Variants in SH3KBP1 observed in about 807,000 individuals in gnomAD.
SH3KBP1 encodes SH3 domain-containing kinase-binding protein 1.
Under a neutral mutation model 50.1 loss-of-function variants are expected in SH3KBP1, and 8 were observed. That is an observed-to-expected ratio of 0.16 (90% CI 0.09 to 0.29). The LOEUF (loss-of-function observed/expected upper bound fraction) is 0.29, where lower values mean the gene tolerates loss of function less well. SH3KBP1 is among the 10% of genes least tolerant of loss of function. SH3KBP1 has a pLI of 1.00. For synonymous variants in SH3KBP1, 227 were observed against 218.6 expected (o/e 1.04, Z -0.34); for missense variants, 377 against 535.2 (o/e 0.70, Z 2.92).
chrX:19,665,704 C>T (rs2062581633), intron 6 of SH3KBP1, among the ~76,000 whole-genome samples: 1 of 111,885 alleles, frequency 8.9e-6, no homozygotes, highest in Admixed American at 9.5e-5. Flanking sequence ...AAGTACAAAA[C>T]AGGCTGCTGA....
chrX:19,843,536 C>T (rs1433745149), intron 1 of SH3KBP1, among the ~76,000 whole-genome samples: 1 of 111,406 alleles, frequency 9.0e-6, no homozygotes, highest in Admixed American at 9.6e-5. Context: ...CACAAACACA[C>T]CACTAAGGGA....
At chrX:19,562,736 G>A (rs1247079500) in intron 13 of SH3KBP1, among the ~76,000 whole-genome samples, 1 of 111,080 alleles carries the variant, frequency 9.0e-6, no homozygotes, top group Non-Finnish European at 1.9e-5. Flanking sequence ...ATTTGGGGCT[G>A]CCTGCAAGTC....
At chrX:19,792,232 T>G (rs767887023) in intron 2 of SH3KBP1, among the ~76,000 whole-genome samples, 2 of 111,972 alleles carry the variant, frequency 1.8e-5, no homozygotes, top group East Asian at 2.8e-4. Flanking sequence ...TTGTGGCACA[T>G]TTAAATTAAA....
chrX:19,710,698 T>C (rs1384691704), intron 3 of SH3KBP1, among the ~76,000 whole-genome samples: 1 of 111,245 alleles, frequency 9.0e-6, no homozygotes, highest in Non-Finnish European at 1.9e-5. Flanking sequence ...AGACATAGTA[T>C]ATATAGGACT....
At chrX:19,751,182 G>C (rs766070805) in intron 2 of SH3KBP1, among the ~76,000 whole-genome samples, 2 of 112,109 alleles carry the variant, frequency 1.8e-5, no homozygotes, top group Non-Finnish European at 3.8e-5. Context: ...CCACATAGAA[G>C]AGCTCCTTCC....
chrX:19,556,458 G>T (rs1475319421), intron 13 of SH3KBP1, among the ~76,000 whole-genome samples: 1 of 111,068 alleles, frequency 9.0e-6, no homozygotes. Flanking sequence ...AGACTATCAA[G>T]ATGGGCCCAA....
intron 5 of SH3KBP1, among the ~76,000 whole-genome samples, chrX:19,693,174 T>C (rs982054998): frequency 8.9e-6 from 1 of 111,964 alleles, no homozygotes; most frequent in Non-Finnish European, 1.9e-5. Flanking sequence ...ACCTGGACAC[T>C]TTGCTGAACT....
chrX:19,578,644 T>G (rs2066275858), intron 12 of SH3KBP1, among the ~76,000 whole-genome samples: 1 of 111,870 alleles, frequency 8.9e-6, no homozygotes, highest in Non-Finnish European at 1.9e-5. Context: ...ATGGCAATAA[T>G]GTAAGTGAGC....
chrX:19,762,668 A>T (rs762047272), intron 2 of SH3KBP1, among the ~76,000 whole-genome samples: 2 of 111,925 alleles, frequency 1.8e-5, no homozygotes, highest in East Asian at 2.8e-4. Flanking sequence ...GCTCTGCAGG[A>T]ATTACTCTTT....
rs190022330 is a variant in SH3KBP1 at position 19,646,222 on chromosome X, G to A, written c.727-747C>T. ...AAAAGAAAGATTATGAGTTTGTTTTGAGTTCATTTCCTTTCCTTCATTTGC... is the reference window on the plus strand; with the variant it reads ...AAAAGAAAGATTATGAGTTTGTTTTAAGTTCATTTCCTTTCCTTCATTTGC... On this transcript the variant is annotated intron_variant, in intron 6 of 17. Transcript: ENST00000397821. Among the ~76,000 whole-genome samples the A allele has an allele frequency of 1.4e-3, 154 of 111,945 alleles. 1 individual carries two copies. Among genetic ancestry groups the A allele is most frequent in the African/African-American group, 4.3e-3 (131 of 30,807 alleles).
intron 2 of SH3KBP1, among the ~76,000 whole-genome samples, chrX:19,795,486 C>A (rs2066681154): frequency 9.0e-6 from 1 of 111,608 alleles, no homozygotes; most frequent in African/African-American, 3.3e-5. Context: ...AACTACGGGG[C>A]CTTGCCCTTT....
intron 2 of SH3KBP1, among the ~76,000 whole-genome samples, chrX:19,771,984 T>C (rs755665344): frequency 9.4e-6 from 1 of 106,114 alleles, no homozygotes; most frequent in African/African-American, 3.5e-5. Flanking sequence ...TGTAGAAAAA[T>C]AACAAACACA....
intron 2 of SH3KBP1, among the ~76,000 whole-genome samples, chrX:19,754,652 A>G (rs1193892485): frequency 9.0e-6 from 1 of 111,607 alleles, no homozygotes; most frequent in African/African-American, 3.3e-5. Context: ...TATTTTTAGT[A>G]AAGACCCAGT....
chrX:19,628,851 C>G (rs1029876297), intron 8 of SH3KBP1, among the ~76,000 whole-genome samples: 1 of 111,417 alleles, frequency 9.0e-6, no homozygotes, highest in African/African-American at 3.3e-5. Flanking sequence ...AATCACAGCA[C>G]TTTGGGAGGC....
At chrX:19,852,526 G>A (rs1025086488) in intron 1 of SH3KBP1, among the ~76,000 whole-genome samples, 3 of 108,266 alleles carry the variant, frequency 2.8e-5, no homozygotes, top group Admixed American at 1.0e-4. Context: ...TATTCCAGCC[G>A]CCAGCCAGTC....
chrX:19,861,773 T>C (rs2068783139), intron 1 of SH3KBP1, among the ~76,000 whole-genome samples: 1 of 112,225 alleles, frequency 8.9e-6, no homozygotes. Context: ...AGATTGCCCT[T>C]GTTTGATACG....
chrX:19,702,708 A>G (rs1213879632), intron 4 of SH3KBP1, among the ~76,000 whole-genome samples: 1 of 111,526 alleles, frequency 9.0e-6, no homozygotes, highest in African/African-American at 3.3e-5. Context: ...AAAACACATC[A>G]TAAGCCAAAA....
intron 6 of SH3KBP1, among the ~76,000 whole-genome samples, chrX:19,670,641 G>C: frequency 9.1e-6 from 1 of 110,103 alleles, no homozygotes; most frequent in Non-Finnish European, 1.9e-5. Flanking sequence ...AATAGCTCCA[G>C]AGTGACATTC....
chrX:19,695,853 C>A (rs1278802255), intron 4 of SH3KBP1, 112 bp from the exon 5 acceptor site: 7 of 668,966 alleles, frequency 1.0e-5, no homozygotes, highest in Non-Finnish European at 1.5e-5. Context: ...CACAGGGAGA[C>A]TGAATGGCTT....
Sources: allele counts gnomAD v4.1 joint callset (sites outside exome capture counted in the v4.1 genomes callset), GRCh38; gene constraint gnomAD v4.1.1; transcripts MANE v1.5; gene names NCBI Gene and HGNC (gene_info 2026-07-23, HGNC 2026-07-21).